Variants in RYR3 observed in about 807,000 individuals in gnomAD.
The protein encoded by RYR3 is brain ryanodine receptor-calcium release channel.
A neutral mutation model predicts 584.3 loss-of-function variants in RYR3; 207 were observed. That is an observed-to-expected ratio of 0.35 (90% CI 0.32 to 0.40). The LOEUF (loss-of-function observed/expected upper bound fraction) is 0.40, where lower values mean the gene tolerates loss of function less well. Ranked by LOEUF, RYR3 falls within the 10% of genes least tolerant of loss-of-function variation. The probability of loss-of-function intolerance (pLI) is 1.00; values close to 1 mark genes in which losing one functional copy is unlikely to be tolerated. For synonymous variants in RYR3, 2,416 were observed against 2,248.5 expected, an observed-to-expected ratio of 1.07 and a Z score of -2.11; for missense variants, 5,616 against 6,089.2, an observed-to-expected ratio of 0.92 and a Z score of 2.59.
At chr15:33,425,475 G>T (rs1192053476) in intron 1 of RYR3, among the ~76,000 whole-genome samples, 1 of 152,126 alleles carries the variant, frequency 6.6e-6, no homozygotes, top group African/African-American at 2.4e-5. Flanking sequence ...ACTACAGAGA[G>T]AAGAGAAATC....
At chr15:33,651,206 C>A (rs1279515646) in intron 31 of RYR3, among the ~76,000 whole-genome samples, 1 of 152,204 alleles carries the variant, frequency 6.6e-6, no homozygotes, top group African/African-American at 2.4e-5. Flanking sequence ...AATACAAAAT[C>A]CGTTTACAGA....
Position 33,845,007 on chromosome 15 carries a change from C to G in RYR3, c.13442C>G (p.Ala4481Gly). The change falls in exon 93 of 104, where the codon GCC becomes GGC. Residue 4481 changes from alanine (A) to glycine (G), a missense_variant. Transcript: ENST00000634891. Reference sequence around the variant, plus strand: ...ATGGCACCAACCCTGCGTGCCCTGGCCATCATCCATACCATCATCTCTCTA... The same window carrying G: ...ATGGCACCAACCCTGCGTGCCCTGGGCATCATCCATACCATCATCTCTCTA... ...GYMAPTLRAL[A>G]IIHTIISLVC... 6.2e-7 allele frequency: 1 copy of G among 1,613,998 alleles called. No homozygotes were observed. The highest frequency in any genetic ancestry group is 8.5e-7 in the Non-Finnish European group (1 of 1,179,880).
At chr15:33,790,557 T>A (rs2075093070) in intron 67 of RYR3, among the ~76,000 whole-genome samples, 1 of 151,284 alleles carries the variant, frequency 6.6e-6, no homozygotes, top group Non-Finnish European at 1.5e-5. Context: ...AAGGTTGGAG[T>A]GAGGTTGTTG....
chr15:33,445,917 C>G (rs2046618444), intron 1 of RYR3, among the ~76,000 whole-genome samples: 1 of 152,024 alleles, frequency 6.6e-6, no homozygotes, highest in Admixed American at 6.6e-5. Flanking sequence ...ACATTAAGAT[C>G]CCGAATGTTC....
At chr15:33,559,034 T>C (rs1276815557) in intron 10 of RYR3, among the ~76,000 whole-genome samples, 1 of 152,140 alleles carries the variant, frequency 6.6e-6, no homozygotes, top group African/African-American at 2.4e-5. Flanking sequence ...GAGTTGCTAT[T>C]AGTTGTCTGG....
intron 1 of RYR3, among the ~76,000 whole-genome samples, chr15:33,457,755 G>A (rs1482520713): frequency 6.6e-6 from 1 of 152,216 alleles, no homozygotes; most frequent in Non-Finnish European, 1.5e-5. Context: ...TGATACATGT[G>A]TGAGGTGGTG....
At chr15:33,687,453 A>G (rs1293886630) in intron 38 of RYR3, among the ~76,000 whole-genome samples, 1 of 152,230 alleles carries the variant, frequency 6.6e-6, no homozygotes, top group African/African-American at 2.4e-5. Context: ...GCTCATGGAT[A>G]GGAAGAATCA....
At chr15:33,401,546 T>C (rs551491330) in intron 1 of RYR3, among the ~76,000 whole-genome samples, 1 of 152,350 alleles carries the variant, frequency 6.6e-6, no homozygotes, top group African/African-American at 2.4e-5. Context: ...ATTTCTGGCC[T>C]GTAGAATAAT....
At chr15:33,608,027 G>A (rs1243577746) in intron 18 of RYR3, among the ~76,000 whole-genome samples, 1 of 152,196 alleles carries the variant, frequency 6.6e-6, no homozygotes, top group East Asian at 1.9e-4. Flanking sequence ...CAGGCAGTCT[G>A]GTTCCAGAAA....
chr15:33,837,873 T>C lies in RYR3; in HGVS notation c.11893T>C (p.Cys3965Arg), dbSNP rs1165949981. 3.7e-6 allele frequency: 6 copies of C among 1,614,036 alleles called. No individual in the cohort carries two copies. Among genetic ancestry groups the C allele is most frequent in the Non-Finnish European group, 5.1e-6 (6 of 1,179,898 alleles). ...GTCAGAGATTGACTTTCTCCTGTCG[T>C]GTGCAGAAGCTGATGAGAATGACAT... is the stretch of plus-strand genomic sequence containing the variant. Reference protein sequence around the residue: ...TQSEIDFLLSCAEADENDMFN... With the variant: ...TQSEIDFLLSRAEADENDMFN... Residue 3965 changes from cysteine to arginine, a missense_variant, in exon 89 of 104, where the codon TGT becomes CGT. Cys to Arg is a radical substitution (Grantham distance 180, BLOSUM62 -3). Around this residue, in one of 9 missense-constraint regions of RYR3, gnomAD observed 258 missense variants for 297.3 expected, o/e 0.87. Transcript: ENST00000634891.
At chr15:33,454,641 A>G (rs1242271339) in intron 1 of RYR3, among the ~76,000 whole-genome samples, 2 of 152,180 alleles carry the variant, frequency 1.3e-5, no homozygotes, top group Non-Finnish European at 2.9e-5. Flanking sequence ...AGGGAGCACT[A>G]TGGATGCACA....
At chr15:33,480,071 G>A (rs1354307036) in intron 2 of RYR3, among the ~76,000 whole-genome samples, 3 of 152,174 alleles carry the variant, frequency 2.0e-5, no homozygotes, top group African/African-American at 7.2e-5. Context: ...GTAAGACTGG[G>A]GAGGAGGGGT....
At chr15:33,574,800 G>A (rs16972617) in intron 12 of RYR3, among the ~76,000 whole-genome samples, 27,339 of 152,010 alleles carry the variant, frequency 0.18, 4,251 homozygotes, top group African/African-American at 0.43. Context: ...AGAAGAAGCC[G>A]TGCTAAATGC....
Position 33,663,425 on chromosome 15 carries a change from CTG to C in RYR3, c.5419-107_5419-106del, listed in dbSNP as rs2063285243. 5 of 863,968 alleles carry C rather than the reference CTG, an allele frequency of 5.8e-6. No homozygotes were observed. The Admixed American group carries it at 1.1e-4, about 19-fold the overall frequency. 53.5% of individuals were successfully genotyped at this position (863,968 alleles called of 1,614,324 possible). On this transcript the variant is annotated intron_variant, in intron 35 of 103. Transcript: ENST00000634891. ...GATTTGAGTAACAGCTTTATGGCTA[CTG>C]TGTGGCAATTTACTTTGTCTAAGTC...
chr15:33,690,686 A>G (rs751892221), intron 38 of RYR3, among the ~76,000 whole-genome samples: 40 of 152,174 alleles, frequency 2.6e-4, no homozygotes, highest in Non-Finnish European at 4.9e-4. Flanking sequence ...GCCTCACTTC[A>G]GCATAGGCCC....
In RYR3 at chr15:33,472,171, C is replaced by G. The variant is rs553428904; in HGVS notation, c.52-1248C>G. ...AGTAAAACTGTGGAGCTATGTTTTT[C>G]CACTCTTCGTTTCATACATCTACAA... On this transcript the variant is annotated intron_variant, in intron 1 of 103. Transcript: ENST00000634891. 1.1e-4 allele frequency among the ~76,000 whole-genome samples: 16 copies of G among 152,270 alleles called. No homozygotes were observed. In the South Asian group the frequency reaches 3.1e-3, roughly 30 times the overall value.
At chr15:33,729,561 A>AC (rs1387910934) in intron 47 of RYR3, among the ~76,000 whole-genome samples, 1 of 152,172 alleles carries the variant, frequency 6.6e-6, no homozygotes, top group Non-Finnish European at 1.5e-5. Context: ...CAGGGGCCTG[A>AC]CGAAGGTCAA....
intron 51 of RYR3, 89 bp from the exon 52 acceptor site, chr15:33,742,277 C>A: frequency 1.2e-6 from 1 of 823,468 alleles, no homozygotes; most frequent in Non-Finnish European, 2.1e-6. Context: ...CACCTTCTGA[C>A]AGCTGGTTGA....
At chr15:33,645,860 T>G (rs569308509) in intron 28 of RYR3, among the ~76,000 whole-genome samples, 11 of 152,066 alleles carry the variant, frequency 7.2e-5, no homozygotes, top group South Asian at 4.2e-4. Context: ...AGGCCATGAC[T>G]GTGGCAGAGA....
Sources: gnomAD v4.1 joint callset for allele counts (sites outside exome capture counted in the v4.1 genomes callset) on GRCh38, gnomAD v4.1.1 for gene constraint, gnomAD v4.1.1 regional missense constraint, MANE v1.5 for transcripts, NCBI Gene and HGNC (gene_info 2026-07-23, HGNC 2026-07-21) for gene names.